The following CELF2 variants were observed in gnomAD, a reference collection of about 807,000 sequenced individuals.
The protein encoded by CELF2 is CUG triplet repeat RNA-binding protein 2.
In CELF2, 8 loss-of-function variants were observed where a neutral mutation model predicts 62.6. That is an observed-to-expected ratio of 0.13 (90% CI 0.07 to 0.23). The LOEUF (loss-of-function observed/expected upper bound fraction) is 0.23. Ranked by LOEUF, CELF2 falls within the 10% of genes least tolerant of loss-of-function variation. The probability of loss-of-function intolerance (pLI) is 1.00; values close to 1 mark genes in which losing one functional copy is unlikely to be tolerated. For missense variants in CELF2, 333 were observed against 671.0 expected (o/e 0.50, Z 5.56); for synonymous variants, 258 against 250.0 (o/e 1.03, Z -0.30).
intron 1 of CELF2, among the ~76,000 whole-genome samples, chr10:11,064,737 C>T (rs1594436776): frequency 6.6e-6 from 1 of 152,216 alleles, no homozygotes; most frequent in African/African-American, 2.4e-5. Context: ...ATAAAAGGCA[C>T]ATTCAATTAG....
At chr10:11,148,843 A>AAC (rs58567770) in intron 1 of CELF2, among the ~76,000 whole-genome samples, 13,255 of 146,786 alleles carry the variant, frequency 0.09, 619 homozygotes, top group African/African-American at 0.13. Context: ...TCTTAAACCA[A>AAC]ACACACACAC....
the CELF2 span, among the ~76,000 whole-genome samples, chr10:10,694,708 C>T: frequency 6.6e-6 from 1 of 151,668 alleles, no homozygotes; most frequent in Admixed American, 6.6e-5. Context: ...GTATTGGGTG[C>T]ATATATATTT....
At chr10:10,727,706 G>A in the CELF2 span, among the ~76,000 whole-genome samples, 3 of 151,732 alleles carry the variant, frequency 2.0e-5, no homozygotes, top group Non-Finnish European at 4.4e-5. Flanking sequence ...AACCCAAGAG[G>A]CGGATGTTGC....
At chr10:10,969,457 A>C (rs967987316) in intron 2 of CELF2, among the ~76,000 whole-genome samples, 1 of 152,232 alleles carries the variant, frequency 6.6e-6, no homozygotes, top group Non-Finnish European at 1.5e-5. Flanking sequence ...AAGTAGATTA[A>C]TTGTAGATTA....
rs200244910 is a variant in CELF2 at position 11,269,688 on chromosome 10, G to T, written c.619-978G>T. On this transcript the variant is annotated intron_variant, in intron 6 of 12. Transcript: ENST00000633077. The surrounding 1 kb of genome is among the most constrained non-coding windows in gnomAD (Gnocchi z 4.4). ...GCTGGGGAAGGAGGGGGAGACTTCT[G>T]CTGAGTTACTTACCAAGTGGCAAAT... 6.4e-5 allele frequency among the ~76,000 whole-genome samples: 7 copies of T among 108,552 alleles called. No homozygotes were observed. The South Asian group carries it at 2.1e-3, about 32-fold the overall frequency. The allele number at this position is 108,552 out of a possible 152,430, so 71.2% of individuals were successfully genotyped here.
chr10:10,562,199 A>G, the CELF2 span, among the ~76,000 whole-genome samples: 3 of 152,044 alleles, frequency 2.0e-5, no homozygotes, highest in Admixed American at 2.0e-4. Flanking sequence ...CAACACACAC[A>G]CCCTCTGGCA....
At chr10:10,862,388 G>A (rs567411108) in intron 1 of CELF2, among the ~76,000 whole-genome samples, 62 of 152,286 alleles carry the variant, frequency 4.1e-4, no homozygotes, top group African/African-American at 1.4e-3. Flanking sequence ...TCACTCGCCT[G>A]GTTGGTGGTT....
chr10:11,246,502 T>C lies in CELF2; in HGVS notation c.355-2651T>C, dbSNP rs925153495. The stretch of plus-strand genomic sequence containing the variant: ...TTTCCCCTCTACTTCCCATGACCAG[T>C]TGTTCACTGCCCCTCCACAGAACCT... On this transcript the variant is annotated intron_variant, in intron 3 of 12. Transcript: ENST00000633077. This position sits in a 1 kb window ranked among gnomAD's most constrained non-coding sequence, Gnocchi z 4.6. Among the ~76,000 whole-genome samples, 3 of 152,150 alleles carry C rather than the reference T, an allele frequency of 2.0e-5. No homozygotes were observed. The highest frequency in any genetic ancestry group is 7.2e-5 in the African/African-American group (3 of 41,418).
the CELF2 span, among the ~76,000 whole-genome samples, chr10:10,705,814 T>A: frequency 6.6e-6 from 1 of 152,160 alleles, no homozygotes; most frequent in Non-Finnish European, 1.5e-5. Flanking sequence ...GAAGTCTGTG[T>A]GTCCCAGTTC....
chr10:10,943,753 T>C (rs1252326833), intron 2 of CELF2, among the ~76,000 whole-genome samples: 1 of 149,148 alleles, frequency 6.7e-6, no homozygotes, highest in South Asian at 2.2e-4. Context: ...CACACACCAC[T>C]ACTCCCAGCT....
the CELF2 span, among the ~76,000 whole-genome samples, chr10:10,570,623 A>G: frequency 6.6e-6 from 1 of 152,140 alleles, no homozygotes; most frequent in South Asian, 2.1e-4. Flanking sequence ...ATATCTGTAT[A>G]TAAATAAATA....
chr10:10,943,053 C>T (rs1224513088), intron 2 of CELF2, among the ~76,000 whole-genome samples: 1 of 152,194 alleles, frequency 6.6e-6, no homozygotes, highest in Non-Finnish European at 1.5e-5. Flanking sequence ...TATATTTGTA[C>T]AATGAAATGC....
chr10:11,112,687 G>A (rs2143097284), intron 1 of CELF2, among the ~76,000 whole-genome samples: 1 of 152,376 alleles, frequency 6.6e-6, no homozygotes, highest in Admixed American at 6.5e-5. Flanking sequence ...CAATAGTAAT[G>A]ATCAATTTTA....
rs958363799 is a variant in CELF2, at chr10:10,906,383, A to G, written c.54-13581A>G. ...ACCCAGCACTTTGCGCCAGCCACTC[A>G]CTGTCCTAAGTGTTGGTGATGGAGA... On this transcript the variant is annotated intron_variant, in intron 1 of 13. Coordinates refer to the CELF2 transcript ENST00000636488. Among the ~76,000 whole-genome samples the G allele has an allele frequency of 7.9e-5, 12 of 152,320 alleles. No individual in the cohort carries two copies. The East Asian group carries it at 2.3e-3, about 29-fold the overall frequency.
chr10:10,477,249 A>G, the CELF2 span, among the ~76,000 whole-genome samples: 26 of 152,186 alleles, frequency 1.7e-4, no homozygotes, highest in African/African-American at 6.0e-4. Flanking sequence ...CTCATTCCAT[A>G]AGATGGGGTT....
rs988138530 is a variant in CELF2 at position 11,145,772 on chromosome 10, C to T, written c.75-19714C>T. The stretch of plus-strand genomic sequence containing the variant: ...TCATTTATTTTTCTTTTTTTAGTGT[C>T]ATTACCAGTATTGGTTGCACTACTG... On this transcript the variant is annotated intron_variant, in intron 1 of 12. Transcript: ENST00000633077. This position sits in a 1 kb window ranked among gnomAD's most constrained non-coding sequence, Gnocchi z 4.3. Among the ~76,000 whole-genome samples, 1 of 152,158 alleles carries T rather than the reference C, an allele frequency of 6.6e-6. No individual in the cohort carries two copies. The highest frequency in any genetic ancestry group is 2.4e-5 in the African/African-American group (1 of 41,434).
intron 1 of CELF2, among the ~76,000 whole-genome samples, chr10:10,905,492 C>T (rs1336909297): frequency 6.6e-6 from 1 of 151,970 alleles, no homozygotes; most frequent in African/African-American, 2.4e-5. Flanking sequence ...CCCGTTAATC[C>T]CAGCACTTAG....
intron 1 of CELF2, among the ~76,000 whole-genome samples, chr10:10,820,534 T>C (rs1425701668): frequency 6.6e-6 from 1 of 152,164 alleles, no homozygotes; most frequent in African/African-American, 2.4e-5. Context: ...CCCTGCCTCA[T>C]GGAATTTACT....
At chr10:11,167,230 A>G (rs1483721231) in intron 2 of CELF2, among the ~76,000 whole-genome samples, 1 of 152,244 alleles carries the variant, frequency 6.6e-6, no homozygotes. Context: ...TAATACTTCC[A>G]TGGTATGCTA....
Sources: allele counts gnomAD v4.1 joint callset (sites outside exome capture counted in the v4.1 genomes callset), GRCh38; gene constraint gnomAD v4.1.1; non-coding constraint Gnocchi (gnomAD v3.1); transcripts MANE v1.5; gene names NCBI Gene and HGNC (gene_info 2026-07-23, HGNC 2026-07-21).